RAPGEF4: variants seen among roughly 807,000 people sequenced by gnomAD.
RAPGEF4 encodes RAP guanine-nucleotide-exchange factor (GEF) 4.
RAPGEF4 carries 66 observed loss-of-function variants against 147.9 expected under a neutral mutation model. The observed-to-expected ratio is 0.45, with a 90% confidence interval of 0.37 to 0.55. The LOEUF is 0.55. RAPGEF4 is among the 20% of genes least tolerant of loss of function. The pLI, the probability that RAPGEF4 is intolerant of heterozygous loss-of-function variation, is 0.00. For missense variants in RAPGEF4, 1,071 were observed against 1,257.3 expected (o/e 0.85, Z 2.24); for synonymous variants, 419 against 442.7 (o/e 0.95, Z 0.67).
At chr2:172,788,363 A>G (rs1244550320) in intron 1 of RAPGEF4, among the ~76,000 whole-genome samples, 1 of 152,210 alleles carries the variant, frequency 6.6e-6, no homozygotes, top group Non-Finnish European at 1.5e-5. Flanking sequence ...AGAGAAGAGA[A>G]AACGTTGTAA....
chr2:172,867,271 C>T (rs1694757050), intron 4 of RAPGEF4, among the ~76,000 whole-genome samples: 1 of 151,988 alleles, frequency 6.6e-6, no homozygotes, highest in African/African-American at 2.4e-5. Flanking sequence ...CTGTGCCCAG[C>T]CAAAAACTGC....
At chr2:172,959,059 AG>A (rs573411194) in intron 6 of RAPGEF4, among the ~76,000 whole-genome samples, 179 of 152,350 alleles carry the variant, frequency 1.2e-3, no homozygotes, top group Non-Finnish European at 1.5e-3. Flanking sequence ...TGCAAACAGT[AG>A]GGTTTTTAGT....
Position 172,744,818 on chromosome 2 carries a change from T to G in RAPGEF4, c.65+8770T>G, listed in dbSNP as rs1246516414. ...ACATTAGTTGTCTTTCATGTAGTTG[T>G]TTTTTTTTAGCAAATTCCCTTTTCT... On this transcript the variant is annotated intron_variant, in intron 1 of 30. Transcript: ENST00000397081. 3.4e-5 allele frequency among the ~76,000 whole-genome samples: 4 copies of G among 116,356 alleles called. No individual in the cohort carries two copies. The East Asian group carries it at 8.0e-4, about 23-fold the overall frequency. The allele number at this position is 116,356 out of a possible 152,430, so 76.3% of individuals were successfully genotyped here.
At chr2:173,005,757 G>A (rs1424253752) in intron 17 of RAPGEF4, among the ~76,000 whole-genome samples, 3 of 152,034 alleles carry the variant, frequency 2.0e-5, no homozygotes, top group South Asian at 2.1e-4. Flanking sequence ...TCTTGACCTC[G>A]TGATCTGCCT....
At chr2:172,880,604 G>A (rs973779568) in intron 4 of RAPGEF4, among the ~76,000 whole-genome samples, 7 of 152,342 alleles carry the variant, frequency 4.6e-5, no homozygotes, top group African/African-American at 1.2e-4. Context: ...ATAGAAGCAC[G>A]ATAATTAAAA....
At chr2:172,809,286 T>A (rs891880931) in intron 3 of RAPGEF4, among the ~76,000 whole-genome samples, 3 of 151,864 alleles carry the variant, frequency 2.0e-5, no homozygotes, top group African/African-American at 7.3e-5. Flanking sequence ...GCAGGCCCAG[T>A]GGTGGAGATG....
intron 6 of RAPGEF4, among the ~76,000 whole-genome samples, chr2:172,934,709 C>T (rs1686362120): frequency 6.7e-6 from 1 of 149,170 alleles, no homozygotes; most frequent in Non-Finnish European, 1.5e-5. Context: ...ATTTCTGAGA[C>T]AACAGTGTTT....
At position 173,048,671 on chromosome 2, in the gene RAPGEF4, C is replaced by T. The variant is rs777937658; in HGVS notation, c.2908+17C>T. The T allele has an allele frequency of 6.2e-7, 1 of 1,614,080 alleles. No individual in the cohort carries two copies. The highest frequency in any genetic ancestry group is 1.1e-5 in the South Asian group (1 of 91,062). On this transcript the variant is annotated intron_variant, in intron 30 of 30. Transcript: ENST00000397081. ...AACCCTTCAGTAAGTTAAGTGCTGC[C>T]ACCTCTTACAATGTAGATGTTGGTG... is the stretch of plus-strand genomic sequence containing the variant.
At chr2:172,998,289 G>A (rs545150605) in intron 16 of RAPGEF4, among the ~76,000 whole-genome samples, 5 of 152,326 alleles carry the variant, frequency 3.3e-5, no homozygotes, top group African/African-American at 1.2e-4. Context: ...CATACTAAGG[G>A]ATAATATTAG....
At chr2:173,029,484 C>T (rs1696981178) in intron 25 of RAPGEF4, among the ~76,000 whole-genome samples, 1 of 152,178 alleles carries the variant, frequency 6.6e-6, no homozygotes, top group Non-Finnish European at 1.5e-5. Context: ...TTTTTTTCCA[C>T]ATGTCTCATT....
chr2:172,968,342 A>T (rs1352235587), intron 10 of RAPGEF4, among the ~76,000 whole-genome samples: 2 of 152,154 alleles, frequency 1.3e-5, no homozygotes. Context: ...CTTGTATTAG[A>T]CAAGGGCATT....
intron 4 of RAPGEF4, among the ~76,000 whole-genome samples, chr2:172,869,519 T>A (rs1694988363): frequency 6.6e-6 from 1 of 152,132 alleles, no homozygotes; most frequent in South Asian, 2.1e-4. Flanking sequence ...GATGGAAAAT[T>A]GTTTTCTAAT....
At chr2:172,913,177 T>G (rs1683643608) in intron 4 of RAPGEF4, among the ~76,000 whole-genome samples, 1 of 152,096 alleles carries the variant, frequency 6.6e-6, no homozygotes, top group South Asian at 2.1e-4. Flanking sequence ...ATTACAGGTA[T>G]GAGCCACTGC....
At chr2:173,050,951 T>G (rs375085533) in intron 30 of RAPGEF4, among the ~76,000 whole-genome samples, 1 of 152,166 alleles carries the variant, frequency 6.6e-6, no homozygotes, top group African/African-American at 2.4e-5. Context: ...GCCCTGATCT[T>G]CATTAAATTG....
intron 2 of RAPGEF4, among the ~76,000 whole-genome samples, chr2:172,796,977 C>T (rs1383078628): frequency 2.0e-5 from 3 of 152,200 alleles, no homozygotes; most frequent in South Asian, 2.1e-4. Context: ...TAAATATTTT[C>T]TCTCTGAGAG....
intron 1 of RAPGEF4, among the ~76,000 whole-genome samples, chr2:172,739,198 T>A (rs1462014837): frequency 5.9e-5 from 9 of 152,066 alleles, no homozygotes; most frequent in Admixed American, 5.2e-4. Context: ...TCTCAGCAGA[T>A]GTATTGTTAG....
At position 173,051,532 on chromosome 2, in the gene RAPGEF4, GGGAACCCA is replaced by G. The variant is rs562989295; in HGVS notation, c.2909-101_2909-94del. 3.7e-5 allele frequency: 46 copies of G among 1,248,926 alleles called. 1 individual carries two copies. In the African/African-American group the frequency reaches 5.6e-4, roughly 15 times the overall value. 77.4% of individuals were successfully genotyped at this position (1,248,926 alleles called of 1,614,324 possible). A position where few individuals can be genotyped will look rare whatever the true frequency, so the allele number is the denominator to read the frequency against. Reference sequence around the variant, plus strand: ...ATTGTGGTGTGTTGAAAGGTCTTGAGGGAACCCAGGAACCTATGATAAATGTAATAAAT... The same window carrying G: ...ATTGTGGTGTGTTGAAAGGTCTTGAGGGAACCTATGATAAATGTAATAAAT... On this transcript the variant is annotated intron_variant, in intron 30 of 30. Coordinates refer to ENST00000397081, the MANE Select transcript of RAPGEF4 (RefSeq NM_007023.4).
intron 4 of RAPGEF4, among the ~76,000 whole-genome samples, chr2:172,843,775 A>G (rs1373755234): frequency 1.3e-5 from 2 of 152,234 alleles, no homozygotes; most frequent in Non-Finnish European, 2.9e-5. Context: ...ATGGATGAGA[A>G]TAGCGTTACT....
At chr2:172,974,576 A>G (rs1690869193) in intron 10 of RAPGEF4, among the ~76,000 whole-genome samples, 1 of 152,114 alleles carries the variant, frequency 6.6e-6, no homozygotes, top group African/African-American at 2.4e-5. Flanking sequence ...CCCAGCTATC[A>G]GGAGGCTGAG....
Sources: gnomAD v4.1 joint callset for allele counts (sites outside exome capture counted in the v4.1 genomes callset) on GRCh38, gnomAD v4.1.1 for gene constraint, MANE v1.5 for transcripts, NCBI Gene and HGNC (gene_info 2026-07-23, HGNC 2026-07-21) for gene names.